The following STARD13 variants were observed in gnomAD, a reference collection of about 807,000 sequenced individuals.
STARD13 encodes the protein StAR related lipid transfer domain containing 13, also known as stAR-related lipid transfer protein 13.
Under a neutral mutation model 106.4 loss-of-function variants are expected in STARD13, and 62 were observed. That is an observed-to-expected ratio of 0.58 (90% confidence interval 0.48 to 0.72). The LOEUF (loss-of-function observed/expected upper bound fraction) is 0.72. Among genes scored for constraint, STARD13 ranks in the 30% least tolerant of loss-of-function variants. The probability of loss-of-function intolerance (pLI) is 0.00; values close to 1 mark genes in which losing one functional copy is unlikely to be tolerated. For missense variants in STARD13, 1,387 were observed against 1,424.0 expected (o/e 0.97, Z 0.42); for synonymous variants, 565 against 553.0 (o/e 1.02, Z -0.31).
chr13:33,364,125 C>G, the STARD13 span, among the ~76,000 whole-genome samples: 2 of 152,016 alleles, frequency 1.3e-5, no homozygotes, highest in Admixed American at 1.3e-4. Flanking sequence ...CCCCCCACCC[C>G]CAAATCTACA....
the STARD13 span, among the ~76,000 whole-genome samples, chr13:33,522,124 A>G: frequency 1.3e-5 from 2 of 152,130 alleles, no homozygotes; most frequent in African/African-American, 4.8e-5. Context: ...TTTACGAAAA[A>G]GAAACAAAAT....
the STARD13 span, among the ~76,000 whole-genome samples, chr13:33,656,334 A>G: frequency 6.6e-6 from 1 of 152,192 alleles, no homozygotes; most frequent in Non-Finnish European, 1.5e-5. Context: ...GAATGAAAGG[A>G]AAGAAAGGGA....
chr13:33,577,903 G>A, the STARD13 span, among the ~76,000 whole-genome samples: 1 of 152,006 alleles, frequency 6.6e-6, no homozygotes, highest in African/African-American at 2.4e-5. Context: ...TGTGAAAGAT[G>A]CTGTTAAGAT....
At chr13:33,314,693 A>G (rs1893263716) in intron 1 of STARD13, among the ~76,000 whole-genome samples, 1 of 152,202 alleles carries the variant, frequency 6.6e-6, no homozygotes, top group Non-Finnish European at 1.5e-5. Flanking sequence ...TATTATCCCT[A>G]TGCTACAGAC....
At chr13:33,524,237 C>G in the STARD13 span, 1 of 1,275,284 alleles carries the variant, frequency 7.8e-7, no homozygotes, top group Non-Finnish European at 1.0e-6. Context: ...CTAAAACTTA[C>G]TTTAGTTTTT....
chr13:33,185,349 G>C lies in STARD13; in HGVS notation c.170-17727C>G, dbSNP rs1424021482. 2.0e-5 allele frequency among the ~76,000 whole-genome samples: 3 copies of C among 152,186 alleles called. No individual in the cohort carries two copies. In the East Asian group the frequency reaches 5.8e-4, roughly 29 times the overall value. ...TTGTATATGTTTCCATAAAATAGCA[G>C]GACATCTTATGTTTTGAAGGCAATT... On this transcript the variant is annotated intron_variant, in intron 1 of 13. Transcript: ENST00000336934.
the STARD13 span, among the ~76,000 whole-genome samples, chr13:33,623,705 A>G: frequency 1.3e-5 from 2 of 152,160 alleles, no homozygotes; most frequent in Non-Finnish European, 2.9e-5. Flanking sequence ...TTACATCTAC[A>G]TCTACATATT....
the STARD13 span, among the ~76,000 whole-genome samples, chr13:33,391,895 T>G: frequency 5.8e-4 from 89 of 152,218 alleles, 3 homozygotes; most frequent in East Asian, 0.017. Context: ...TACTTATGAT[T>G]TTTTGGAAAG....
Position 33,129,820 on chromosome 13 carries a change from A to G in STARD13, c.857T>C (p.Ile286Thr), listed in dbSNP as rs1171264296. 3.7e-6 allele frequency: 6 copies of G among 1,613,298 alleles called. No individual in the cohort carries two copies. In the Admixed American group the frequency reaches 1.0e-4, roughly 27 times the overall value. Residue 286 changes from isoleucine to threonine, a missense_variant, in exon 5 of 14, where the codon ATC (isoleucine) becomes ACC (threonine). Transcript: ENST00000336934. ...KGSGRTGGLV[I>T]SGPMLQQEPE... is the part of the protein sequence containing the mutation. ...CTCCTGCTGCAACATGGGCCCACTG[A>G]TCACCAGGCCACCTGTCCGCCCAGA...
rs1171872632 is a variant in STARD13 at position 33,110,743 on chromosome 13, C to T, written c.2772G>A (p.Lys924=). Residue 924 remains lysine (K), a synonymous_variant, in exon 11 of 14, where the codon AAG becomes AAA. Transcript: ENST00000336934. ...TGGAGCACGTGACCCATCCTTTGAACTTCTCCTTGGCTTCTTTCTGGAGGC... is the reference window on the plus strand; with the variant it reads ...TGGAGCACGTGACCCATCCTTTGAATTTCTCCTTGGCTTCTTTCTGGAGGC... ...IQGLQKEAKE[K]FKGWVTCSST... 6.2e-7 allele frequency: 1 copy of T among 1,614,164 alleles called. No homozygotes were observed. The highest frequency in any genetic ancestry group is 1.7e-4 in the Middle Eastern group (1 of 6,060).
intron 1 of STARD13, among the ~76,000 whole-genome samples, chr13:33,201,116 A>G (rs558821686): frequency 6.6e-6 from 1 of 152,334 alleles, no homozygotes; most frequent in South Asian, 2.1e-4. Context: ...TGCTTAAAGA[A>G]GCAATGTGCT....
At chr13:33,530,290 C>A in the STARD13 span, among the ~76,000 whole-genome samples, 1 of 152,114 alleles carries the variant, frequency 6.6e-6, no homozygotes, top group African/African-American at 2.4e-5. Context: ...CCGAGCCAAA[C>A]CCCTCCAAAT....
chr13:33,587,713 G>A, the STARD13 span, among the ~76,000 whole-genome samples: 2 of 152,140 alleles, frequency 1.3e-5, no homozygotes, highest in African/African-American at 4.8e-5. Flanking sequence ...CAGCCAATGC[G>A]TCTGAATCCA....
the STARD13 span, among the ~76,000 whole-genome samples, chr13:33,384,657 A>G: frequency 1.3e-5 from 2 of 152,188 alleles, no homozygotes; most frequent in African/African-American, 4.8e-5. Context: ...GAGTATTGAA[A>G]CTACTCTAAT....
intron 1 of STARD13, among the ~76,000 whole-genome samples, chr13:33,324,203 C>A (rs182474789): frequency 1.3e-4 from 20 of 152,248 alleles, no homozygotes; most frequent in African/African-American, 4.1e-4. Context: ...CTAAAGTAAG[C>A]AAATCCATAT....
the STARD13 span, among the ~76,000 whole-genome samples, chr13:33,593,282 T>C: frequency 6.6e-6 from 1 of 152,120 alleles, no homozygotes; most frequent in Non-Finnish European, 1.5e-5. Context: ...CCTCCCGGGT[T>C]CAAGTGATTC....
At chr13:33,457,134 A>G in the STARD13 span, among the ~76,000 whole-genome samples, 2 of 152,254 alleles carry the variant, frequency 1.3e-5, no homozygotes, top group Non-Finnish European at 2.9e-5. Flanking sequence ...AGGATGTCAA[A>G]TGACTGTGGC....
At chr13:33,539,197 G>A in the STARD13 span, among the ~76,000 whole-genome samples, 3 of 152,148 alleles carry the variant, frequency 2.0e-5, no homozygotes, top group Non-Finnish European at 2.9e-5. Context: ...GAAATGTGTT[G>A]GAAGAAACTT....
the STARD13 span, among the ~76,000 whole-genome samples, chr13:33,572,608 A>G: frequency 3.3e-5 from 5 of 152,300 alleles, no homozygotes; most frequent in South Asian, 8.3e-4. Flanking sequence ...TGGAATACAA[A>G]CTATTTTTTC....
Sources: gnomAD v4.1 joint callset for allele counts (sites outside exome capture counted in the v4.1 genomes callset) on GRCh38, gnomAD v4.1.1 for gene constraint, MANE v1.5 for transcripts, NCBI Gene and HGNC (gene_info 2026-07-23, HGNC 2026-07-21) for gene names.